PLPPR5: variants seen among roughly 807,000 people sequenced by gnomAD.
PLPPR5 encodes phospholipid phosphatase-related protein type 5.
PLPPR5 carries 16 observed loss-of-function variants against 33.9 expected under a neutral mutation model. The ratio of observed to expected loss-of-function variants is 0.47; its 90% confidence interval spans 0.32 to 0.72. The LOEUF is 0.72. Among genes scored for constraint, PLPPR5 ranks in the 30% least tolerant of loss-of-function variants. PLPPR5 has a pLI of 0.03. For missense variants in PLPPR5, 301 were observed against 406.7 expected (o/e 0.74, Z 2.23); for synonymous variants, 163 against 150.3 (o/e 1.08, Z -0.62).
chr1:98,958,009 AAAT>A (rs1259231110), intron 1 of PLPPR5, among the ~76,000 whole-genome samples: 1 of 152,234 alleles, frequency 6.6e-6, no homozygotes, highest in Non-Finnish European at 1.5e-5. Flanking sequence ...TAGGGAAGTT[AAAT>A]AATGTGTTCT....
chr1:99,002,952 T>C (rs1457157920), intron 1 of PLPPR5, among the ~76,000 whole-genome samples: 1 of 147,510 alleles, frequency 6.8e-6, no homozygotes, highest in Non-Finnish European at 1.5e-5. Context: ...CCCCCAAAAA[T>C]CGACCTTTTT....
intron 1 of PLPPR5, among the ~76,000 whole-genome samples, chr1:98,963,522 A>G (rs1651321989): frequency 6.6e-6 from 1 of 152,196 alleles, no homozygotes; most frequent in Non-Finnish European, 1.5e-5. Context: ...CTCCAGAGAG[A>G]GACAGAGAGA....
In PLPPR5 at chr1:98,953,132, C is replaced by T; in HGVS notation, c.559G>A (p.Ala187Thr). Residue 187 changes from alanine (A) to threonine (T), a missense_variant, in exon 3 of 6, where the codon GCC (alanine) becomes ACC (threonine). Physicochemically the swap from Ala to Thr is moderately conservative, Grantham distance 58. Transcript: ENST00000263177. Reference protein sequence around the residue: ...CTGNPDLIMRARKTFPSKEAA... With the variant: ...CTGNPDLIMRTRKTFPSKEAA... ...TCTTTGGATGGAAAGGTTTTTCGGG[C>T]TCTCATGATGAGATCTGGGTTGCCA... The T allele has an allele frequency of 6.2e-7, 1 of 1,614,074 alleles. No homozygotes were observed. Among genetic ancestry groups the T allele is most frequent in the Non-Finnish European group, 8.5e-7 (1 of 1,180,002 alleles).
intron 3 of PLPPR5, among the ~76,000 whole-genome samples, chr1:98,942,734 G>T (rs2101194568): frequency 6.6e-6 from 1 of 152,222 alleles, no homozygotes; most frequent in South Asian, 2.1e-4. Context: ...CCAGGAAGTG[G>T]GCATTGCTGG....
intron 2 of PLPPR5, among the ~76,000 whole-genome samples, chr1:98,954,995 G>T (rs1650948813): frequency 6.6e-6 from 1 of 152,008 alleles, no homozygotes; most frequent in African/African-American, 2.4e-5. Flanking sequence ...CAGTGCATCA[G>T]CCCAAGGCTA....
chr1:98,940,830 G>A (rs1167055807), intron 3 of PLPPR5, among the ~76,000 whole-genome samples: 5 of 151,902 alleles, frequency 3.3e-5, no homozygotes, highest in East Asian at 1.9e-4. Flanking sequence ...ATCTGGATGC[G>A]GGGGTGTGGA....
chr1:99,000,587 T>C (rs1289439293), intron 1 of PLPPR5, among the ~76,000 whole-genome samples: 1 of 124,902 alleles, frequency 8.0e-6, no homozygotes, highest in Non-Finnish European at 1.8e-5. Context: ...CGGAGTGATG[T>C]CCTAACTCAA....
intron 5 of PLPPR5, among the ~76,000 whole-genome samples, chr1:98,914,273 A>G (rs1243016485): frequency 6.6e-6 from 1 of 152,186 alleles, no homozygotes; most frequent in East Asian, 1.9e-4. Flanking sequence ...AGCTTTTAGC[A>G]TGAGGAAGAC....
At chr1:98,976,888 C>T (rs1341911551) in intron 1 of PLPPR5, among the ~76,000 whole-genome samples, 1 of 151,830 alleles carries the variant, frequency 6.6e-6, no homozygotes, top group African/African-American at 2.4e-5. Context: ...TATCGTGTGT[C>T]CAGATTCTCT....
At chr1:98,938,363 C>T (rs1223178545) in intron 3 of PLPPR5, among the ~76,000 whole-genome samples, 1 of 146,812 alleles carries the variant, frequency 6.8e-6, no homozygotes, top group Non-Finnish European at 1.5e-5. Context: ...GAGTTCAGGG[C>T]TGCAGTGAGG....
chr1:98,922,408 C>A (rs111633796), intron 3 of PLPPR5, among the ~76,000 whole-genome samples: 1 of 152,016 alleles, frequency 6.6e-6, no homozygotes, highest in Admixed American at 6.6e-5. Flanking sequence ...CATTTTAGAT[C>A]AACCTCAACA....
intron 1 of PLPPR5, among the ~76,000 whole-genome samples, chr1:98,972,939 T>C (rs1482119559): frequency 6.6e-6 from 1 of 152,002 alleles, no homozygotes; most frequent in Non-Finnish European, 1.5e-5. Context: ...AAGCTAGACA[T>C]CCTTATGTTT....
chr1:98,905,463 T>C (rs966789116), intron 5 of PLPPR5, among the ~76,000 whole-genome samples: 3 of 152,190 alleles, frequency 2.0e-5, no homozygotes, highest in Admixed American at 2.0e-4. Flanking sequence ...TAACTTATTT[T>C]TTAAAATGCT....
Position 98,890,593 on chromosome 1 carries a change from TG to T in PLPPR5, c.*2478del. 1 of 152,668 alleles carries T rather than the reference TG, an allele frequency of 6.6e-6. No homozygotes were observed. Among genetic ancestry groups the T allele is most frequent in the African/African-American group, 2.4e-5 (1 of 41,562 alleles). 9.5% of individuals were successfully genotyped at this position (152,668 alleles called of 1,614,324 possible). Reference sequence around the variant, plus strand: ...CCAAGTAAGTAGAATAAAAAGGAGATGTTTTTATCAGAAAGATATGTGTTTG... The same window carrying T: ...CCAAGTAAGTAGAATAAAAAGGAGATTTTTTATCAGAAAGATATGTGTTTG... On this transcript the variant is annotated 3_prime_UTR_variant, in exon 6 of 6. Transcript: ENST00000263177.
At chr1:98,997,518 T>A (rs142587682) in intron 1 of PLPPR5, among the ~76,000 whole-genome samples, 1 of 152,232 alleles carries the variant, frequency 6.6e-6, no homozygotes, top group Non-Finnish European at 1.5e-5. Context: ...AACGAGATGA[T>A]TCTTTCTAAT....
At chr1:98,978,460 C>G (rs1406041957) in intron 1 of PLPPR5, among the ~76,000 whole-genome samples, 1 of 151,958 alleles carries the variant, frequency 6.6e-6, no homozygotes, top group Non-Finnish European at 1.5e-5. Flanking sequence ...CTTTCTCTTT[C>G]TACAAATTCC....
intron 2 of PLPPR5, among the ~76,000 whole-genome samples, chr1:98,956,072 T>C (rs1415421703): frequency 6.6e-6 from 1 of 152,142 alleles, no homozygotes; most frequent in Non-Finnish European, 1.5e-5. Context: ...TTAGAAGTAG[T>C]GCATGGAGTG....
At chr1:98,998,610 G>A (rs1652713886) in intron 1 of PLPPR5, among the ~76,000 whole-genome samples, 1 of 152,110 alleles carries the variant, frequency 6.6e-6, no homozygotes, top group Non-Finnish European at 1.5e-5. Flanking sequence ...ATCACTATGA[G>A]TAAAATCTTT....
intron 1 of PLPPR5, among the ~76,000 whole-genome samples, chr1:98,994,985 T>C (rs748965385): frequency 1.6e-4 from 24 of 152,042 alleles, no homozygotes; most frequent in South Asian, 6.2e-4. Context: ...ATGGCTATTA[T>C]TAAAAAGTCA....
Sources: allele counts gnomAD v4.1 joint callset (sites outside exome capture counted in the v4.1 genomes callset), GRCh38; gene constraint gnomAD v4.1.1; transcripts MANE v1.5; gene names NCBI Gene and HGNC (gene_info 2026-07-23, HGNC 2026-07-21).